The following HERC2 variants were observed in gnomAD, a reference collection of about 807,000 sequenced individuals.
The protein encoded by HERC2 is HECT and RLD domain containing E3 ubiquitin protein ligase 2, also known as E3 ubiquitin-protein ligase HERC2.
In HERC2, 102 loss-of-function variants were observed where a neutral mutation model predicts 537.7. The observed-to-expected ratio is 0.19, with a 90% CI of 0.16 to 0.22. The LOEUF is 0.22. Ranked by LOEUF, HERC2 falls within the 10% of genes least tolerant of loss-of-function variation. The pLI, the probability that HERC2 is intolerant of heterozygous loss-of-function variation, is 1.00. For synonymous variants in HERC2, 2,224 were observed against 2,466.2 expected (o/e 0.90, Z 2.91); for missense variants, 4,236 against 6,198.2 (o/e 0.68, Z 10.63).
rs142354999 is a variant in HERC2, at chr15:28,111,961, G to T, written c.14307C>A (p.Pro4769=). ...CCAGCACCTGCTTGCAGGAATACCT[G>T]GGCAGCTTCAGCAAGAAGAAACAGG... is the stretch of plus-strand genomic sequence containing the variant. ...SYTCFFLLKL[P]RYSCKQVLEE... The change falls in exon 93 of 93, where the codon CCC becomes CCA. Residue 4769 remains proline, a synonymous_variant. Transcript: ENST00000261609. 501 of 1,614,114 alleles carry T rather than the reference G, an allele frequency of 3.1e-4. 5 individuals carry two copies. The East Asian group carries it at 0.011, about 35-fold the overall frequency.
Position 28,256,152 on chromosome 15 carries a change from A to G in HERC2, c.2683T>C (p.Ser895Pro). 6.3e-7 allele frequency: 1 copy of G among 1,581,628 alleles called. No individual in the cohort carries two copies. Among genetic ancestry groups the G allele is most frequent in the Non-Finnish European group, 8.5e-7 (1 of 1,172,036 alleles). The change falls in exon 18 of 93, where the codon TCC becomes CCC. Residue 895 changes from serine to proline, a missense_variant. Around this residue, in one of 27 missense-constraint regions of HERC2, gnomAD observed 754 missense variants for 1,085.0 expected, o/e 0.69. Coordinates refer to ENST00000261609, the MANE Select transcript of HERC2 (RefSeq NM_004667.6). ...TCCTCCGCGGTGGGCAGCAGCACGG[A>G]CCAGCCACTCTGCAGCACGGCCTGG... ...AAQAVLQSGW[S>P]VLLPTAEERA... is the part of the protein sequence containing the mutation.
intron 4 of HERC2, among the ~76,000 whole-genome samples, chr15:28,288,771 C>A (rs1473639318): frequency 1.1e-4 from 16 of 151,350 alleles, no homozygotes; most frequent in Non-Finnish European, 2.4e-4. Flanking sequence ...TCGCTTGAAC[C>A]CACGTGGGGG....
intron 2 of HERC2, among the ~76,000 whole-genome samples, chr15:28,318,512 C>T (rs976318784): frequency 6.6e-6 from 1 of 152,060 alleles, no homozygotes; most frequent in African/African-American, 2.4e-5. Context: ...CCCGTAGTCC[C>T]AGCTACTCGG....
intron 20 of HERC2, among the ~76,000 whole-genome samples, chr15:28,249,858 G>A (rs1904108049): frequency 6.9e-6 from 1 of 144,648 alleles, no homozygotes; most frequent in Non-Finnish European, 1.5e-5. Flanking sequence ...CTTTCACTAT[G>A]TAAACCCAGG....
chr15:28,309,718 T>A (rs2076888225), intron 2 of HERC2, among the ~76,000 whole-genome samples: 1 of 151,978 alleles, frequency 6.6e-6, no homozygotes, highest in East Asian at 1.9e-4. Flanking sequence ...CTGTGACACC[T>A]GAAGTAGAGG....
In HERC2 at chr15:28,143,003, G is replaced by A. The variant is rs1221186790; in HGVS notation, c.11419-51C>T. 5 of 1,582,702 alleles carry A rather than the reference G, an allele frequency of 3.2e-6. No individual in the cohort carries two copies. In the Admixed American group the frequency reaches 5.3e-5, roughly 17 times the overall value. Reference sequence around the variant, plus strand: ...ATCGCAGGAATCCAGGTGCCGGGGAGGCTGACCATTTGTTTCTACCGTCAA... The same window carrying A: ...ATCGCAGGAATCCAGGTGCCGGGGAAGCTGACCATTTGTTTCTACCGTCAA... On this transcript the variant is annotated intron_variant, in intron 74 of 92. Coordinates refer to ENST00000261609, the MANE Select transcript of HERC2 (RefSeq NM_004667.6).
intron 65 of HERC2, among the ~76,000 whole-genome samples, chr15:28,172,430 T>A (rs1894796579): frequency 6.6e-6 from 1 of 152,100 alleles, no homozygotes; most frequent in Admixed American, 6.5e-5. Context: ...AATCCACAAA[T>A]AAATCAATGA....
chr15:28,258,496 C>T (rs1415947408), intron 16 of HERC2, among the ~76,000 whole-genome samples: 2 of 151,844 alleles, frequency 1.3e-5, no homozygotes, highest in African/African-American at 4.8e-5. Context: ...TAATAATCAT[C>T]CATGGGTCAA....
intron 87 of HERC2, 71 bp from the exon 88 acceptor site, chr15:28,116,930 C>A (rs1043544234): frequency 1.6e-5 from 25 of 1,610,352 alleles, no homozygotes; most frequent in Non-Finnish European, 2.1e-5. Flanking sequence ...AACGCTCCCA[C>A]ACCATGTGGC....
chr15:28,269,481 TA>T (rs777469718), intron 10 of HERC2, 45 bp from the exon 11 acceptor site: 11 of 1,468,100 alleles, frequency 7.5e-6, no homozygotes, highest in Admixed American at 3.7e-5. Context: ...ACAACAACAA[TA>T]AAAAAAGGCT....
intron 67 of HERC2, 80 bp from the exon 68 acceptor site, chr15:28,167,907 T>C (rs1945741624): frequency 6.9e-7 from 1 of 1,450,926 alleles, no homozygotes; most frequent in Admixed American, 2.3e-5. Context: ...AAGTCCCAAA[T>C]GCTTTACCTA....
intron 12 of HERC2, among the ~76,000 whole-genome samples, chr15:28,267,042 T>C (rs2075587661): frequency 6.6e-6 from 1 of 152,202 alleles, no homozygotes; most frequent in Non-Finnish European, 1.5e-5. Context: ...AGAGAAGTCT[T>C]ACTAGTTGAA....
In HERC2 at chr15:28,229,776, C is replaced by T. The variant is rs767114535; in HGVS notation, c.4881G>A (p.Gln1627=). 1 of 1,446,560 alleles carries T rather than the reference C, an allele frequency of 6.9e-7. No individual in the cohort carries two copies. Among genetic ancestry groups the T allele is most frequent in the Non-Finnish European group, 9.7e-7 (1 of 1,028,988 alleles). 89.6% of individuals were successfully genotyped at this position (1,446,560 alleles called of 1,614,324 possible). Residue 1627 remains glutamine, a synonymous_variant, in exon 32 of 93, where the codon CAG becomes CAA. Coordinates refer to ENST00000261609, the MANE Select transcript of HERC2 (RefSeq NM_004667.6). Reference sequence around the variant, plus strand: ...GGAGTGGAGACTGCGGATAAAGACCCTGCACATTCTGCTTCAACCACTTGT... The same window carrying T: ...GGAGTGGAGACTGCGGATAAAGACCTTGCACATTCTGCTTCAACCACTTGT... ...HKYKWLKQNV[Q]GLYPQSPLLS...
At chr15:28,169,982 A>C (rs534874252) in intron 65 of HERC2, among the ~76,000 whole-genome samples, 3 of 152,362 alleles carry the variant, frequency 2.0e-5, no homozygotes, top group East Asian at 3.9e-4. Flanking sequence ...TACCCCGGTA[A>C]GACAAGACAA....
chr15:28,149,669 T>C (rs1375137564), intron 70 of HERC2, among the ~76,000 whole-genome samples: 1 of 145,548 alleles, frequency 6.9e-6, no homozygotes, highest in Non-Finnish European at 1.5e-5. Flanking sequence ...AAAAAATACA[T>C]GCAACTTCTA....
chr15:28,292,488 C>G (rs1363297569), intron 4 of HERC2, among the ~76,000 whole-genome samples: 2 of 152,088 alleles, frequency 1.3e-5, no homozygotes, highest in African/African-American at 4.8e-5. Flanking sequence ...AACAATGTAG[C>G]CACTGTGGAA....
intron 78 of HERC2, among the ~76,000 whole-genome samples, chr15:28,137,291 G>C (rs1231175055): frequency 6.6e-6 from 1 of 152,070 alleles, no homozygotes; most frequent in Non-Finnish European, 1.5e-5. Context: ...CCTCTGATAC[G>C]GTTCACAATG....
chr15:28,224,222 A>T (rs1596274481), intron 35 of HERC2, among the ~76,000 whole-genome samples: 1 of 142,468 alleles, frequency 7.0e-6, no homozygotes, highest in Admixed American at 7.2e-5. Context: ...GATTCCCCCC[A>T]CCCCCAAGAC....
intron 20 of HERC2, among the ~76,000 whole-genome samples, chr15:28,251,336 A>G (rs1302813670): frequency 1.3e-5 from 2 of 152,002 alleles, no homozygotes; most frequent in Non-Finnish European, 2.9e-5. Context: ...CCAGCCACTC[A>G]GGAGGCTGAG....
Sources: allele counts gnomAD v4.1 joint callset (sites outside exome capture counted in the v4.1 genomes callset), GRCh38; gene constraint gnomAD v4.1.1; regional missense constraint gnomAD v4.1.1; transcripts MANE v1.5; gene names NCBI Gene and HGNC (gene_info 2026-07-23, HGNC 2026-07-21).